The following KCND3 variants were observed in gnomAD, a reference collection of about 807,000 sequenced individuals.
KCND3 encodes A-type voltage-gated potassium channel KCND3.
In KCND3, 9 loss-of-function variants were observed where a neutral mutation model predicts 51.1. The ratio of observed to expected loss-of-function variants is 0.18; its 90% CI spans 0.11 to 0.31. KCND3 has a LOEUF of 0.31. KCND3 is among the 10% of genes least tolerant of loss of function. The probability of loss-of-function intolerance (pLI) is 1.00; values close to 1 mark genes in which losing one functional copy is unlikely to be tolerated. For synonymous variants in KCND3, 349 were observed against 368.0 expected, an observed-to-expected ratio of 0.95 and a Z score of 0.59; for missense variants, 526 against 903.8, an observed-to-expected ratio of 0.58 and a Z score of 5.36.
chr1:111,968,490 G>A (rs946451518), intron 2 of KCND3, among the ~76,000 whole-genome samples: 3 of 152,200 alleles, frequency 2.0e-5, no homozygotes, highest in Non-Finnish European at 4.4e-5. Context: ...AGAAAGTGAG[G>A]ATCACAACTT....
chr1:111,852,000 T>C (rs925521305), intron 2 of KCND3, among the ~76,000 whole-genome samples: 1 of 152,222 alleles, frequency 6.6e-6, no homozygotes, highest in Non-Finnish European at 1.5e-5. Context: ...CATCAATCTC[T>C]ACAGCTGCCA....
intron 2 of KCND3, among the ~76,000 whole-genome samples, chr1:111,878,980 T>G (rs777344632): frequency 7.2e-5 from 11 of 152,212 alleles, no homozygotes; most frequent in Non-Finnish European, 1.3e-4. Flanking sequence ...CAAAAAACAC[T>G]GACCCTCCTG....
chr1:111,977,950 T>C (rs1050597450), intron 2 of KCND3, among the ~76,000 whole-genome samples: 2 of 152,298 alleles, frequency 1.3e-5, no homozygotes, highest in South Asian at 4.1e-4. Context: ...GGATGGAAAT[T>C]AAACCTCAAA....
chr1:111,820,198 C>G (rs1666283208), intron 2 of KCND3, among the ~76,000 whole-genome samples: 1 of 152,228 alleles, frequency 6.6e-6, no homozygotes, highest in Non-Finnish European at 1.5e-5. Flanking sequence ...ATGCTCTAAA[C>G]TCTCCTGCCT....
intron 2 of KCND3, among the ~76,000 whole-genome samples, chr1:111,934,474 G>T (rs911601754): frequency 1.3e-5 from 2 of 152,224 alleles, no homozygotes. Context: ...CTCAGCCCCA[G>T]ACATAGAAGG....
chr1:111,919,754 A>G (rs1228270541), intron 2 of KCND3, among the ~76,000 whole-genome samples: 1 of 152,228 alleles, frequency 6.6e-6, no homozygotes, highest in Non-Finnish European at 1.5e-5. Flanking sequence ...GAGTCCCCTC[A>G]GCAACACTCT....
At chr1:111,942,795 A>G (rs939499589) in intron 2 of KCND3, among the ~76,000 whole-genome samples, 8 of 152,210 alleles carry the variant, frequency 5.3e-5, no homozygotes, top group Non-Finnish European at 8.8e-5. Flanking sequence ...GGAAGGAACT[A>G]TAGCATTTCC....
intron 2 of KCND3, among the ~76,000 whole-genome samples, chr1:111,793,576 A>G (rs970857544): frequency 6.6e-6 from 1 of 152,208 alleles, no homozygotes; most frequent in Admixed American, 6.5e-5. Context: ...GAGTAAATTA[A>G]CTCAATGTTG....
At chr1:111,843,534 G>T (rs537419638) in intron 2 of KCND3, among the ~76,000 whole-genome samples, 3 of 152,170 alleles carry the variant, frequency 2.0e-5, no homozygotes, top group African/African-American at 7.2e-5. Context: ...TCTGGGAATG[G>T]GTGAGTGGGG....
At chr1:111,804,842 AGTTGGTGCCCGGGCG>A (rs1476666128) in intron 2 of KCND3, among the ~76,000 whole-genome samples, 1 of 152,230 alleles carries the variant, frequency 6.6e-6, no homozygotes, top group African/African-American at 2.4e-5. Flanking sequence ...GTACAGCTGA[AGTTGGTGCCCGGGCG>A]GTCTGCCTCA....
intron 2 of KCND3, among the ~76,000 whole-genome samples, chr1:111,915,132 G>T (rs577397674): frequency 6.6e-6 from 1 of 152,020 alleles, no homozygotes; most frequent in Admixed American, 6.6e-5. Context: ...TGGATAATAA[G>T]CCAGCAGCGG....
intron 2 of KCND3, among the ~76,000 whole-genome samples, chr1:111,893,479 G>A (rs1669946812): frequency 6.6e-6 from 1 of 152,166 alleles, no homozygotes; most frequent in Non-Finnish European, 1.5e-5. Flanking sequence ...GGCACAGGCT[G>A]TGGAAGTGTG....
rs1416854762 is a variant in KCND3, at chr1:111,982,223, G to T, written c.504C>A (p.Thr168=). ...GGGGGTTCTCGAAGGCCCGCCACATGGTCTGGCGGAAGCTGAGCGAGGGCA... is the reference window on the plus strand; with the variant it reads ...GGGGGTTCTCGAAGGCCCGCCACATTGTCTGGCGGAAGCTGAGCGAGGGCA... ...ESMPSLSFRQ[T]MWRAFENPHT... The change falls in exon 2 of 8, where the codon ACC becomes ACA. Residue 168 remains threonine, a synonymous_variant. Transcript: ENST00000302127. This position sits in a 1 kb window ranked among gnomAD's most constrained non-coding sequence, Gnocchi z 8.5. 1 of 1,614,110 alleles carries T rather than the reference G, an allele frequency of 6.2e-7. No homozygotes were observed. The highest frequency in any genetic ancestry group is 2.2e-5 in the East Asian group (1 of 44,820).
intron 2 of KCND3, among the ~76,000 whole-genome samples, chr1:111,809,100 G>A (rs1025361257): frequency 2.0e-5 from 3 of 152,222 alleles, no homozygotes; most frequent in South Asian, 4.1e-4. Context: ...AGCTTTGGAA[G>A]CCTGGCTGCT....
At chr1:111,794,872 G>C (rs1460877018) in intron 2 of KCND3, among the ~76,000 whole-genome samples, 2 of 152,172 alleles carry the variant, frequency 1.3e-5, no homozygotes, top group Non-Finnish European at 2.9e-5. Flanking sequence ...GCACAGAGTG[G>C]TAAGTAATAC....
Position 111,780,566 on chromosome 1 carries a change from T to G in KCND3, c.1371+124A>C. 1.1e-6 allele frequency: 1 copy of G among 924,784 alleles called. No individual in the cohort carries two copies. The highest frequency in any genetic ancestry group is 1.7e-6 in the Non-Finnish European group (1 of 581,324). 57.3% of individuals were successfully genotyped at this position (924,784 alleles called of 1,614,324 possible). A position where few individuals can be genotyped will look rare whatever the true frequency, so the allele number is the denominator to read the frequency against. On this transcript the variant is annotated intron_variant, in intron 4 of 7. Transcript: ENST00000302127. The surrounding 1 kb of genome is among the most constrained non-coding windows in gnomAD (Gnocchi z 4.2). ...TGGGGGGCTGCTACCTGGGGAAAGT[T>G]TGGAAACGTGTCCTCCTTGGGGTTC...
intron 2 of KCND3, among the ~76,000 whole-genome samples, chr1:111,814,791 T>G (rs764984712): frequency 1.1e-4 from 16 of 152,224 alleles, no homozygotes; most frequent in Non-Finnish European, 2.1e-4. Flanking sequence ...GCAGCCCAGC[T>G]GCCCAGATCC....
intron 2 of KCND3, among the ~76,000 whole-genome samples, chr1:111,861,268 A>C (rs565959224): frequency 3.5e-4 from 53 of 152,248 alleles, no homozygotes; most frequent in Middle Eastern, 6.8e-3. Context: ...TGTCCAGGCA[A>C]GGGTCCCTCG....
At chr1:111,961,748 C>T (rs1673674215) in intron 2 of KCND3, among the ~76,000 whole-genome samples, 1 of 152,140 alleles carries the variant, frequency 6.6e-6, no homozygotes, top group African/African-American at 2.4e-5. Context: ...GAGCATCCAC[C>T]AGGAAATAGA....
Sources: gnomAD v4.1 joint callset for allele counts (sites outside exome capture counted in the v4.1 genomes callset) on GRCh38, gnomAD v4.1.1 for gene constraint, Gnocchi (gnomAD v3.1) non-coding constraint, MANE v1.5 for transcripts, NCBI Gene and HGNC (gene_info 2026-07-23, HGNC 2026-07-21) for gene names.